ALK: variants seen among roughly 807,000 people sequenced by gnomAD.
The protein encoded by ALK is ALK receptor tyrosine kinase, also known as ALK tyrosine kinase receptor.
Under a neutral mutation model 163.1 loss-of-function variants are expected in ALK, and 74 were observed. The observed-to-expected ratio is 0.45, with a 90% CI of 0.38 to 0.55. The LOEUF is 0.55. ALK is among the 20% of genes least tolerant of loss of function. ALK has a pLI of 0.00. For synonymous variants in ALK, 960 were observed against 843.2 expected (o/e 1.14, Z -2.40); for missense variants, 2,063 against 2,105.3 (o/e 0.98, Z 0.39).
intron 4 of ALK, among the ~76,000 whole-genome samples, chr2:29,481,538 C>G (rs1025423933): frequency 8.5e-5 from 13 of 152,210 alleles, no homozygotes; most frequent in African/African-American, 3.1e-4. Flanking sequence ...TTCTGTCAGA[C>G]TCTACATCTC....
chr2:29,319,745 G>A (rs1441491224), intron 7 of ALK, among the ~76,000 whole-genome samples: 1 of 152,222 alleles, frequency 6.6e-6, no homozygotes, highest in Admixed American at 6.5e-5. Flanking sequence ...TTATCAAACT[G>A]GGAACAGAGA....
intron 3 of ALK, among the ~76,000 whole-genome samples, chr2:29,666,711 TA>T (rs1306743177): frequency 2.0e-5 from 3 of 152,006 alleles, no homozygotes; most frequent in African/African-American, 7.2e-5. Context: ...CTTATTCTTT[TA>T]AAAAAAATTA....
intron 3 of ALK, among the ~76,000 whole-genome samples, chr2:29,533,469 C>T (rs1336625241): frequency 6.6e-6 from 1 of 152,176 alleles, no homozygotes; most frequent in Non-Finnish European, 1.5e-5. Context: ...CTCCAGATTT[C>T]TGGACTTCTA....
At chr2:29,467,917 T>G (rs990232820) in intron 4 of ALK, among the ~76,000 whole-genome samples, 1 of 150,864 alleles carries the variant, frequency 6.6e-6, no homozygotes, top group Non-Finnish European at 1.5e-5. Context: ...GTAACATATT[T>G]ATTATTATTT....
chr2:29,199,873 A>G (rs1027953344), intron 26 of ALK, among the ~76,000 whole-genome samples: 1 of 152,346 alleles, frequency 6.6e-6, no homozygotes, highest in African/African-American at 2.4e-5. Flanking sequence ...AAATATTACC[A>G]CAAAAATTGT....
intron 1 of ALK, among the ~76,000 whole-genome samples, chr2:29,904,209 T>C (rs1667481126): frequency 6.6e-6 from 1 of 152,220 alleles, no homozygotes; most frequent in African/African-American, 2.4e-5. Flanking sequence ...TTGGAAATAT[T>C]ATTTATGATT....
chr2:29,654,890 GA>G (rs953597490), intron 3 of ALK, among the ~76,000 whole-genome samples: 12 of 151,562 alleles, frequency 7.9e-5, no homozygotes, highest in Non-Finnish European at 1.8e-4. Context: ...ACTAAAGGTT[GA>G]AAAAAAAGCC....
chr2:29,510,818 G>A (rs1363583753), intron 4 of ALK, among the ~76,000 whole-genome samples: 2 of 152,136 alleles, frequency 1.3e-5, no homozygotes, highest in Non-Finnish European at 1.5e-5. Flanking sequence ...AGAACAGAGT[G>A]GGCTGATGTT....
chr2:29,512,750 C>T (rs1177947014), intron 4 of ALK, among the ~76,000 whole-genome samples: 4 of 148,698 alleles, frequency 2.7e-5, no homozygotes, highest in Non-Finnish European at 6.0e-5. Flanking sequence ...TAGAAAACCC[C>T]ACTGTCTCAG....
chr2:29,266,754 C>T (rs12617579), intron 11 of ALK, among the ~76,000 whole-genome samples: 106,739 of 152,072 alleles, frequency 0.7, 39,474 homozygotes, highest in Non-Finnish European at 0.81. Flanking sequence ...GCCTGGCACT[C>T]AGTAGGTGCT....
chr2:29,280,054 T>C (rs1160896580), intron 9 of ALK, among the ~76,000 whole-genome samples: 3 of 151,984 alleles, frequency 2.0e-5, no homozygotes, highest in African/African-American at 7.3e-5. Context: ...AGTTGGGACC[T>C]GACACACTCT....
intron 3 of ALK, among the ~76,000 whole-genome samples, chr2:29,641,366 G>T (rs1384890050): frequency 6.6e-6 from 1 of 152,072 alleles, no homozygotes; most frequent in Non-Finnish European, 1.5e-5. Flanking sequence ...TACCAGAAAA[G>T]AAAAGATGAC....
chr2:29,217,134 G>A (rs1296854547), intron 23 of ALK, among the ~76,000 whole-genome samples: 1 of 66,152 alleles, frequency 1.5e-5, no homozygotes, highest in African/African-American at 8.2e-5. Flanking sequence ...TGTGTGGTGT[G>A]TGTGTGTGTG....
At chr2:29,475,767 G>T (rs1272165508) in intron 4 of ALK, among the ~76,000 whole-genome samples, 1 of 152,198 alleles carries the variant, frequency 6.6e-6, no homozygotes, top group Non-Finnish European at 1.5e-5. Context: ...TGAGTGAACA[G>T]CGCTGAGGCC....
chr2:29,717,311 T>C (rs374318106), intron 2 of ALK, among the ~76,000 whole-genome samples: 40 of 151,848 alleles, frequency 2.6e-4, no homozygotes, highest in African/African-American at 9.4e-4. Context: ...TGGAACACTA[T>C]ATACCATAAA....
At position 29,866,306 on chromosome 2, in the gene ALK, A is replaced by T. The variant is rs141041372; in HGVS notation, c.667+53687T>A. The stretch of plus-strand genomic sequence containing the variant: ...TCAGGAACTGAACTCACTCCCACTG[A>T]ATTTATTAACTGAATTGAAAGGAAG... On this transcript the variant is annotated intron_variant, in intron 1 of 28. Coordinates refer to ENST00000389048, the MANE Select transcript of ALK (RefSeq NM_004304.5). 2.8e-3 allele frequency among the ~76,000 whole-genome samples: 423 copies of T among 152,270 alleles called. 1 individual carries two copies. Among genetic ancestry groups the T allele is most frequent in the African/African-American group, 9.4e-3 (389 of 41,538 alleles).
chr2:29,672,418 T>C (rs1324307174), intron 3 of ALK, among the ~76,000 whole-genome samples: 2 of 116,756 alleles, frequency 1.7e-5, no homozygotes, highest in Admixed American at 1.9e-4. Flanking sequence ...TGAGTGAGAA[T>C]ATGCGGTGTT....
At chr2:29,224,884 T>G (rs1663901997) in intron 19 of ALK, among the ~76,000 whole-genome samples, 1 of 152,200 alleles carries the variant, frequency 6.6e-6, no homozygotes, top group Non-Finnish European at 1.5e-5. Context: ...CTCTGCCCTT[T>G]TCAAGCCTCT....
chr2:29,539,766 T>C (rs1281643803), intron 3 of ALK, among the ~76,000 whole-genome samples: 1 of 152,190 alleles, frequency 6.6e-6, no homozygotes, highest in African/African-American at 2.4e-5. Flanking sequence ...TTCTAATGAC[T>C]TCTTTTTGTT....
Sources: allele counts gnomAD v4.1 joint callset (sites outside exome capture counted in the v4.1 genomes callset), GRCh38; gene constraint gnomAD v4.1.1; transcripts MANE v1.5; gene names NCBI Gene and HGNC (gene_info 2026-07-23, HGNC 2026-07-21).